The following KIF16B variants were observed in gnomAD, a reference collection of about 807,000 sequenced individuals.
The protein encoded by KIF16B is kinesin-like protein KIF16B.
KIF16B carries 98 observed loss-of-function variants against 156.3 expected under a neutral mutation model. That is an observed-to-expected ratio of 0.63 (90% CI 0.53 to 0.74). The LOEUF (loss-of-function observed/expected upper bound fraction) is 0.74, where lower values mean the gene tolerates loss of function less well. KIF16B is among the 30% of genes least tolerant of loss of function. The pLI is 0.00. For synonymous variants in KIF16B, 564 were observed against 583.7 expected (o/e 0.97, Z 0.49); for missense variants, 1,421 against 1,606.5 (o/e 0.88, Z 1.97).
intron 19 of KIF16B, among the ~76,000 whole-genome samples, chr20:16,375,730 T>C (rs955763495): frequency 6.7e-6 from 1 of 149,596 alleles, no homozygotes; most frequent in African/African-American, 2.5e-5. Flanking sequence ...CAATTAGCAA[T>C]GTTTACAGTT....
chr20:16,545,734 C>T (rs2070381999), intron 1 of KIF16B, among the ~76,000 whole-genome samples: 1 of 152,074 alleles, frequency 6.6e-6, no homozygotes, highest in African/African-American at 2.4e-5. Context: ...TTTTTGTTTT[C>T]CTGGATTCAG....
chr20:16,434,483 A>T (rs940976118), intron 12 of KIF16B, among the ~76,000 whole-genome samples: 1 of 138,362 alleles, frequency 7.2e-6, no homozygotes, highest in Admixed American at 7.7e-5. Context: ...ATGATACAAA[A>T]ACTTACCAAC....
chr20:16,539,253 G>A (rs1023994770), intron 1 of KIF16B, among the ~76,000 whole-genome samples: 3 of 152,114 alleles, frequency 2.0e-5, no homozygotes, highest in Admixed American at 6.5e-5. Flanking sequence ...CAGAAGATGA[G>A]GAAAAGTTCG....
At chr20:16,432,529 C>A (rs1360749625) in intron 12 of KIF16B, among the ~76,000 whole-genome samples, 1 of 152,068 alleles carries the variant, frequency 6.6e-6, no homozygotes, top group Admixed American at 6.6e-5. Context: ...CGAAGTCTAC[C>A]ATTCGCTAGG....
In KIF16B at chr20:16,379,846, T is replaced by C; in HGVS notation, c.2156A>G (p.Glu719Gly). The stretch of plus-strand genomic sequence containing the variant: ...AAATATCTGAAACTTCTCAGCCTTC[T>C]CGTTGTTGTTGAGTTCTTTGAGTCG... The part of the protein sequence containing the change: ...LQRLKELNNN[E>G]KAEKFQIFQE... Residue 719 changes from glutamate to glycine, a missense_variant, in exon 19 of 26, where the codon GAG (glutamate) becomes GGG (glycine). Transcript: ENST00000354981. The C allele has an allele frequency of 3.1e-6, 5 of 1,614,238 alleles. No homozygotes were observed. The highest frequency in any genetic ancestry group is 3.4e-6 in the Non-Finnish European group (4 of 1,180,048).
chr20:16,496,179 T>C (rs1052475751), intron 11 of KIF16B, among the ~76,000 whole-genome samples: 12 of 152,342 alleles, frequency 7.9e-5, no homozygotes, highest in Admixed American at 3.9e-4. Context: ...ATGCCTTCTC[T>C]CCCTACAGAT....
intron 25 of KIF16B, among the ~76,000 whole-genome samples, chr20:16,283,165 C>A (rs1031102212): frequency 6.6e-6 from 1 of 152,044 alleles, no homozygotes; most frequent in East Asian, 1.9e-4. Context: ...GGCAAAGAGG[C>A]GAAATTAAGG....
In KIF16B at chr20:16,354,233, ATTGAT is replaced by A. The variant is rs201809927; in HGVS notation, c.3621+2092_3621+2096del. Among the ~76,000 whole-genome samples, 1,401 of 152,342 alleles carry A rather than the reference ATTGAT, an allele frequency of 9.2e-3. 11 individuals are homozygous for A. Among genetic ancestry groups the A allele is most frequent in the Non-Finnish European group, 0.013 (880 of 68,036 alleles). Reference sequence around the variant, plus strand: ...TTTTTATCTGAGTTCTATACATGAAATTGATTTAACAGTTATATTTTATTAACACA... The same window carrying A: ...TTTTTATCTGAGTTCTATACATGAAATTAACAGTTATATTTTATTAACACA... On this transcript the variant is annotated intron_variant, in intron 23 of 25. Transcript: ENST00000354981.
At chr20:16,342,677 T>A (rs1568866903) in intron 23 of KIF16B, among the ~76,000 whole-genome samples, 1 of 152,222 alleles carries the variant, frequency 6.6e-6, no homozygotes, top group Non-Finnish European at 1.5e-5. Context: ...TCTTCACTCT[T>A]GAGATTTTCA....
At chr20:16,503,346 C>T (rs1383678711) in intron 10 of KIF16B, among the ~76,000 whole-genome samples, 1 of 152,188 alleles carries the variant, frequency 6.6e-6, no homozygotes, top group East Asian at 1.9e-4. Flanking sequence ...GAGCAAAATG[C>T]ATGTGGAGAT....
chr20:16,279,599 C>G (rs2063116208), intron 25 of KIF16B, among the ~76,000 whole-genome samples: 1 of 152,146 alleles, frequency 6.6e-6, no homozygotes, highest in African/African-American at 2.4e-5. Context: ...CTAGTCTATG[C>G]TAAGATGGAG....
rs557731292 is a variant in KIF16B at position 16,513,635 on chromosome 20, A to G, written c.349-712T>C. On this transcript the variant is annotated intron_variant, in intron 4 of 25. Transcript: ENST00000354981. ...AGATTGCGCCATTGCATTCCAGCCT[A>G]GGCAACAAGAGCAAAACTACGTTTA... 4.4e-3 allele frequency among the ~76,000 whole-genome samples: 627 copies of G among 142,844 alleles called. 6 individuals carry two copies. Among genetic ancestry groups the G allele is most frequent in the African/African-American group, 0.016 (613 of 38,346 alleles). 93.7% of individuals were successfully genotyped at this position (142,844 alleles called of 152,430 possible).
chr20:16,310,357 T>C (rs939549531), intron 25 of KIF16B, among the ~76,000 whole-genome samples: 1 of 152,208 alleles, frequency 6.6e-6, no homozygotes, highest in Non-Finnish European at 1.5e-5. Context: ...AGGTTCCACC[T>C]GAAAGCATTA....
chr20:16,356,345 G>A lies in KIF16B; in HGVS notation c.3606C>T (p.Phe1202=), dbSNP rs779226525. The part of the protein sequence containing the change: ...VLCGQGKDAH[F]EFEVKITVLD... ...AGACACTCACCTTGACCTCAAACTC[G>A]AAGTGTGCATCCTTTCCTTGCCCGC... Residue 1202 remains phenylalanine (F), a synonymous_variant, in exon 23 of 26, where the codon TTC becomes TTT. Transcript: ENST00000354981. The A allele has an allele frequency of 1.2e-5, 19 of 1,613,980 alleles. No individual in the cohort carries two copies. The highest frequency in any genetic ancestry group is 1.6e-4 in the Middle Eastern group (1 of 6,084).
intron 25 of KIF16B, among the ~76,000 whole-genome samples, chr20:16,288,984 A>G (rs1013775352): frequency 8.7e-5 from 13 of 150,128 alleles, no homozygotes; most frequent in Non-Finnish European, 1.8e-4. Context: ...TTATGATGGG[A>G]TCCCAATAAA....
At chr20:16,490,311 C>A (rs2068250173) in intron 12 of KIF16B, among the ~76,000 whole-genome samples, 1 of 152,022 alleles carries the variant, frequency 6.6e-6, no homozygotes, top group Non-Finnish European at 1.5e-5. Flanking sequence ...GAGGCTGAGG[C>A]AGGTGGATCA....
chr20:16,370,602 C>T lies in KIF16B; in HGVS notation c.3482G>A (p.Arg1161His), dbSNP rs199899627. The change falls in exon 22 of 26, where the codon CGT becomes CAT. Residue 1161 changes from arginine to histidine, a missense_variant. By Grantham distance (29) the Arg-to-His change is conservative. Transcript: ENST00000354981. The stretch of plus-strand genomic sequence containing the variant: ...ATTACCTACCTCATATTTTAGTTTA[C>T]GTTGAATGGTGCCATTGTGAAGTTT... ...NEKLHNGTIQ[R>H]KLKYERMVSR... The T allele has an allele frequency of 2.5e-5, 40 of 1,579,266 alleles. No homozygotes were observed. In the East Asian group the frequency reaches 4.5e-4, roughly 18 times the overall value.
At chr20:16,529,651 A>G (rs2069673932) in intron 1 of KIF16B, among the ~76,000 whole-genome samples, 1 of 152,162 alleles carries the variant, frequency 6.6e-6, no homozygotes, top group Non-Finnish European at 1.5e-5. Context: ...TGATGAGGTT[A>G]AGTAAAAACT....
intron 17 of KIF16B, among the ~76,000 whole-genome samples, chr20:16,392,124 C>T (rs2065381646): frequency 6.6e-6 from 1 of 152,198 alleles, no homozygotes; most frequent in Non-Finnish European, 1.5e-5. Flanking sequence ...TACACCATGA[C>T]TCCTTTATTT....
Sources: gnomAD v4.1 joint callset for allele counts (sites outside exome capture counted in the v4.1 genomes callset) on GRCh38, gnomAD v4.1.1 for gene constraint, MANE v1.5 for transcripts, NCBI Gene and HGNC (gene_info 2026-07-23, HGNC 2026-07-21) for gene names.